ERC2: variants seen among roughly 807,000 people sequenced by gnomAD.
The protein encoded by ERC2 is ELKS/RAB6-interacting/CAST family member 2.
In ERC2, 42 loss-of-function variants were observed where a neutral mutation model predicts 114.8. That is an observed-to-expected ratio of 0.37 (90% CI 0.29 to 0.47). The LOEUF (loss-of-function observed/expected upper bound fraction) is 0.47, where lower values mean the gene tolerates loss of function less well. Among genes scored for constraint, ERC2 ranks in the 20% least tolerant of loss-of-function variants. The probability of loss-of-function intolerance (pLI) is 0.99; values close to 1 mark genes in which losing one functional copy is unlikely to be tolerated. For synonymous variants in ERC2, 454 were observed against 425.5 expected, an observed-to-expected ratio of 1.07 and a Z score of -0.82; for missense variants, 939 against 1,150.7, an observed-to-expected ratio of 0.82 and a Z score of 2.66.
intron 3 of ERC2, among the ~76,000 whole-genome samples, chr3:56,214,958 C>T (rs1281989746): frequency 6.6e-6 from 1 of 152,196 alleles, no homozygotes; most frequent in Non-Finnish European, 1.5e-5. Flanking sequence ...ATCTTGTCAT[C>T]ACCATGCCTG....
chr3:56,255,113 TATC>T (rs1434457648), intron 3 of ERC2, among the ~76,000 whole-genome samples: 1 of 152,208 alleles, frequency 6.6e-6, no homozygotes, highest in East Asian at 1.9e-4. Context: ...GTAACACAGT[TATC>T]ATTTGTTCAC....
intron 14 of ERC2, among the ~76,000 whole-genome samples, chr3:55,848,854 G>A (rs2061466521): frequency 6.6e-6 from 1 of 152,146 alleles, no homozygotes; most frequent in Non-Finnish European, 1.5e-5. Flanking sequence ...ACCTTTCTTA[G>A]TCACTATTTC....
intron 6 of ERC2, among the ~76,000 whole-genome samples, chr3:56,092,095 T>C (rs2077825784): frequency 6.6e-6 from 1 of 152,210 alleles, no homozygotes; most frequent in Non-Finnish European, 1.5e-5. Flanking sequence ...ACAATTTGAA[T>C]TCAAAAAATA....
At chr3:56,351,126 A>G (rs1460918147) in intron 2 of ERC2, among the ~76,000 whole-genome samples, 1 of 152,174 alleles carries the variant, frequency 6.6e-6, no homozygotes, top group South Asian at 2.1e-4. Flanking sequence ...ATTTTGTTAC[A>G]GCAGCCTAGG....
At chr3:55,531,278 A>C (rs1461398784) in intron 17 of ERC2, among the ~76,000 whole-genome samples, 1 of 152,180 alleles carries the variant, frequency 6.6e-6, no homozygotes, top group African/African-American at 2.4e-5. Context: ...ATTGGTTACC[A>C]ACACAATTTG....
chr3:55,770,245 A>G (rs2068096685), intron 14 of ERC2, among the ~76,000 whole-genome samples: 1 of 152,202 alleles, frequency 6.6e-6, no homozygotes, highest in Non-Finnish European at 1.5e-5. Context: ...GCAACCACTG[A>G]GCTGTAGGGG....
chr3:56,212,612 C>T (rs528418374), intron 3 of ERC2, among the ~76,000 whole-genome samples: 15 of 152,126 alleles, frequency 9.9e-5, no homozygotes, highest in African/African-American at 3.1e-4. Flanking sequence ...GGGTATCTAC[C>T]CAGAGGAAAA....
At chr3:55,952,147 ACACACACACAC>A (rs1559922031) in intron 12 of ERC2, among the ~76,000 whole-genome samples, 22 of 55,404 alleles carry the variant, frequency 4.0e-4, no homozygotes, top group Non-Finnish European at 7.1e-4. Context: ...ACACACACAC[ACACACACACAC>A]ACACACACAC....
chr3:56,212,726 A>G (rs539119109), intron 3 of ERC2, among the ~76,000 whole-genome samples: 2 of 151,850 alleles, frequency 1.3e-5, no homozygotes, highest in South Asian at 2.1e-4. Context: ...CAACAAGTGG[A>G]TACAGAAAAT....
chr3:56,055,444 T>C (rs958292659), intron 7 of ERC2, among the ~76,000 whole-genome samples: 3 of 152,206 alleles, frequency 2.0e-5, no homozygotes, highest in African/African-American at 7.2e-5. Context: ...AGTGAAATGG[T>C]TTGATTATCT....
At chr3:56,218,583 A>G (rs1481554422) in intron 3 of ERC2, among the ~76,000 whole-genome samples, 14 of 152,180 alleles carry the variant, frequency 9.2e-5, no homozygotes, top group African/African-American at 3.1e-4. Context: ...TCAGAGTGGC[A>G]ATCCCTCAGG....
At chr3:56,409,596 T>C (rs1173575394) in intron 2 of ERC2, among the ~76,000 whole-genome samples, 2 of 151,828 alleles carry the variant, frequency 1.3e-5, no homozygotes, top group East Asian at 3.8e-4. Flanking sequence ...TCAGGAATTT[T>C]ACCAGAAATA....
chr3:55,574,927 A>G (rs2056898319), intron 17 of ERC2, among the ~76,000 whole-genome samples: 1 of 152,200 alleles, frequency 6.6e-6, no homozygotes, highest in Non-Finnish European at 1.5e-5. Context: ...CCGCTCATCC[A>G]TGGTGGAGAA....
chr3:55,603,209 CAGAG>C (rs2058485123), intron 17 of ERC2, among the ~76,000 whole-genome samples: 1 of 152,090 alleles, frequency 6.6e-6, no homozygotes, highest in Non-Finnish European at 1.5e-5. Context: ...TGTCTAAAAC[CAGAG>C]ATACTATGTT....
At chr3:56,229,405 T>C (rs938892575) in intron 3 of ERC2, among the ~76,000 whole-genome samples, 1 of 152,128 alleles carries the variant, frequency 6.6e-6, no homozygotes, top group Non-Finnish European at 1.5e-5. Flanking sequence ...ATAAAGGCAG[T>C]TTCAGAGAAA....
At chr3:55,910,501 T>C (rs550631624) in intron 13 of ERC2, among the ~76,000 whole-genome samples, 1 of 152,330 alleles carries the variant, frequency 6.6e-6, no homozygotes, top group South Asian at 2.1e-4. Context: ...AATATGTGTT[T>C]CTAACTCTGC....
intron 6 of ERC2, among the ~76,000 whole-genome samples, chr3:56,139,069 C>A (rs1449870421): frequency 2.0e-5 from 3 of 152,096 alleles, no homozygotes; most frequent in African/African-American, 7.2e-5. Flanking sequence ...AGATGACATT[C>A]CAGTTATTTT....
chr3:56,130,513 G>C (rs913348739), intron 6 of ERC2, among the ~76,000 whole-genome samples: 3 of 152,248 alleles, frequency 2.0e-5, no homozygotes, highest in African/African-American at 7.2e-5. Flanking sequence ...AAAGTCAAAA[G>C]CAATTTTATC....
At chr3:55,593,317 G>T (rs1383119844) in intron 17 of ERC2, among the ~76,000 whole-genome samples, 1 of 152,186 alleles carries the variant, frequency 6.6e-6, no homozygotes, top group Non-Finnish European at 1.5e-5. Context: ...TCCCATGGGG[G>T]TGTGGGAGCA....
Sources: allele counts gnomAD v4.1 joint callset (sites outside exome capture counted in the v4.1 genomes callset), GRCh38; gene constraint gnomAD v4.1.1; transcripts MANE v1.5; gene names NCBI Gene and HGNC (gene_info 2026-07-23, HGNC 2026-07-21).